Variants in BCOR observed in about 807,000 individuals in gnomAD.
BCOR encodes BCL-6 corepressor.
Under a neutral mutation model 86.7 loss-of-function variants are expected in BCOR, and 10 were observed. The observed-to-expected ratio is 0.12, with a 90% CI of 0.07 to 0.20. The LOEUF is 0.20. BCOR is among the 10% of genes least tolerant of loss of function. The probability of loss-of-function intolerance (pLI) is 1.00; values close to 1 mark genes in which losing one functional copy is unlikely to be tolerated. For synonymous variants in BCOR, 611 were observed against 609.0 expected (o/e 1.00, Z -0.05); for missense variants, 1,259 against 1,452.1 (o/e 0.87, Z 2.16).
chrX:40,172,606 G>A (rs1338432875), intron 1 of BCOR, among the ~76,000 whole-genome samples: 1 of 113,006 alleles, frequency 8.8e-6, no homozygotes, highest in Non-Finnish European at 1.9e-5. Context: ...AGGGGAGAGT[G>A]ATCGTGAGCA....
At chrX:40,083,126 G>T (rs898457427) in intron 1 of BCOR, among the ~76,000 whole-genome samples, 1 of 110,461 alleles carries the variant, frequency 9.1e-6, no homozygotes, top group Non-Finnish European at 1.9e-5. Flanking sequence ...GGGGTGGGGT[G>T]TGTGGGAGTG....
intron 3 of BCOR, 80 bp downstream of exon 3, chrX:40,076,374 A>T: frequency 1.3e-6 from 1 of 749,309 alleles, no homozygotes; most frequent in Non-Finnish European, 2.0e-6. Context: ...CCCACCCTTT[A>T]AGGGCATGCA....
intron 10 of BCOR, 77 bp downstream of exon 10, chrX:40,062,062 T>C: frequency 8.9e-7 from 1 of 1,125,946 alleles, no homozygotes; most frequent in Non-Finnish European, 1.2e-6. Flanking sequence ...GCTCTCCATG[T>C]CCCTCCCCTC....
intron 1 of BCOR, among the ~76,000 whole-genome samples, chrX:40,130,594 G>A (rs1176868427): frequency 8.9e-6 from 1 of 111,760 alleles, no homozygotes; most frequent in African/African-American, 3.3e-5. Context: ...TGTGAGGCTT[G>A]GTGGTAATGA....
chrX:40,129,327 T>C (rs1279162254), intron 1 of BCOR, among the ~76,000 whole-genome samples: 1 of 110,314 alleles, frequency 9.1e-6, no homozygotes, highest in African/African-American at 3.3e-5. Flanking sequence ...CTACTAAAAA[T>C]ACAAAAATTA....
chrX:40,102,039 C>T (rs1249425185), upstream of BCOR, among the ~76,000 whole-genome samples: 1 of 112,185 alleles, frequency 8.9e-6, no homozygotes, highest in East Asian at 2.8e-4. Flanking sequence ...CTGGCTTCCC[C>T]TCTGAAACTC....
chrX:40,097,021 C>T (rs778041871), intron 1 of BCOR, among the ~76,000 whole-genome samples, 194 bp downstream of exon 1: 171 of 113,124 alleles, frequency 1.5e-3, no homozygotes, highest in African/African-American at 5.4e-3. Flanking sequence ...CTTAGGTTGG[C>T]TGCATTTTAA....
intron 1 of BCOR, among the ~76,000 whole-genome samples, chrX:40,126,907 A>G (rs1415443095): frequency 8.9e-6 from 1 of 111,788 alleles, no homozygotes; most frequent in East Asian, 2.8e-4. Flanking sequence ...GAACATGTGA[A>G]GACACAACAA....
chrX:40,173,787 A>C (rs1938682444), intron 1 of BCOR, among the ~76,000 whole-genome samples: 1 of 112,209 alleles, frequency 8.9e-6, no homozygotes, highest in Non-Finnish European at 1.9e-5. Context: ...TTGATGGCTG[A>C]AGGCCACCTC....
intron 1 of BCOR, among the ~76,000 whole-genome samples, chrX:40,161,269 C>T (rs1311382701): frequency 7.5e-5 from 8 of 106,526 alleles, no homozygotes; most frequent in Non-Finnish European, 1.5e-4. Flanking sequence ...TGAAGTGGCG[C>T]GATCTTGGCT....
chrX:40,122,494 C>A lies in BCOR; in HGVS notation c.-40-44525G>T, dbSNP rs759313501. 8.9e-5 allele frequency among the ~76,000 whole-genome samples: 10 copies of A among 112,244 alleles called. No individual in the cohort carries two copies. In the East Asian group the frequency reaches 2.8e-3, roughly 32 times the overall value. On this transcript the variant is annotated intron_variant, in intron 1 of 14. Transcript: ENST00000342274. Reference sequence around the variant, plus strand: ...ATCTGTTAACGCACAGTAAGTACCCCATGGTAGGTCAATGTCTTCCCTTCT... The same window carrying A: ...ATCTGTTAACGCACAGTAAGTACCCAATGGTAGGTCAATGTCTTCCCTTCT...
Position 40,063,649 on chromosome X carries a change from C to T in BCOR, c.3806G>A (p.Ser1269Asn), listed in dbSNP as rs1157119031. ...GGGTTTAAGAGACTCTTCCGACCAG[C>T]TTCTGTTGCCTTTGGCCTCTGCCCT... The part of the protein sequence containing the change: ...RKRAEAKGNR[S>N]WSEESLKPSD... The change falls in exon 8 of 15, where the codon AGC (serine) becomes AAC (asparagine). Residue 1269 changes from serine to asparagine, a missense_variant. By Grantham distance (46) the Ser-to-Asn change is conservative (BLOSUM62 1). Coordinates refer to ENST00000378444, the MANE Select transcript of BCOR (RefSeq NM_001123385.2). 2 of 1,210,307 alleles carry T rather than the reference C, an allele frequency of 1.7e-6. No homozygotes were observed.
chrX:40,063,110 G>GGGGGGGGGGT, intron 8 of BCOR, 39 bp from the exon 9 acceptor site: 10 of 644,522 alleles, frequency 1.6e-5, no homozygotes, highest in East Asian at 1.1e-4. Context: ...GGGCGGATGG[G>GGGGGGGGGGT]AGACGGGAGA....
chrX:40,135,578 C>T (rs770741837), intron 1 of BCOR, among the ~76,000 whole-genome samples: 16 of 111,070 alleles, frequency 1.4e-4, no homozygotes, highest in African/African-American at 4.9e-4. Flanking sequence ...TTAGTAGAGA[C>T]AGGGTTTCAC....
At chrX:40,133,699 C>A (rs5917936) in intron 1 of BCOR, among the ~76,000 whole-genome samples, 36,978 of 105,492 alleles carry the variant, frequency 0.35, 7,533 homozygotes, top group African/African-American at 0.77. Flanking sequence ...TGACCTCGTG[C>A]TCTGCCCGCC....
intron 1 of BCOR, among the ~76,000 whole-genome samples, chrX:40,167,950 C>T (rs1252675108): frequency 8.0e-5 from 9 of 112,940 alleles, no homozygotes; most frequent in Non-Finnish European, 1.9e-5. Context: ...TGAATGAACT[C>T]TTTCTCCTGG....
intron 1 of BCOR, among the ~76,000 whole-genome samples, chrX:40,160,167 G>A (rs1288413710): frequency 2.7e-5 from 3 of 110,222 alleles, no homozygotes; most frequent in Non-Finnish European, 5.7e-5. Context: ...GAGTGCTGGA[G>A]CGCAGTGGCG....
intron 1 of BCOR, among the ~76,000 whole-genome samples, chrX:40,088,659 C>A (rs939176346): frequency 1.8e-5 from 2 of 112,224 alleles, no homozygotes; most frequent in African/African-American, 6.5e-5. Context: ...TCTTCTCATG[C>A]TAGTAATTTT....
chrX:40,139,579 A>G (rs1301002316), intron 1 of BCOR, among the ~76,000 whole-genome samples: 1 of 90,287 alleles, frequency 1.1e-5, no homozygotes, highest in Non-Finnish European at 2.2e-5. Context: ...TGGGAGGCCA[A>G]GGTGGGTGGA....
Sources: gnomAD v4.1 joint callset for allele counts (sites outside exome capture counted in the v4.1 genomes callset) on GRCh38, gnomAD v4.1.1 for gene constraint, MANE v1.5 for transcripts, NCBI Gene and HGNC (gene_info 2026-07-23, HGNC 2026-07-21) for gene names.